Variants in TARBP1 observed in about 807,000 individuals in gnomAD.
The protein encoded by TARBP1 is tRNA (guanosine(18)-2'-O)-methyltransferase TARBP1.
Under a neutral mutation model 178.6 loss-of-function variants are expected in TARBP1, and 144 were observed. The ratio of observed to expected loss-of-function variants is 0.81; its 90% CI spans 0.70 to 0.93. The LOEUF is 0.93. TARBP1 is among the 40% of genes least tolerant of loss of function. The pLI is 0.00. For synonymous variants in TARBP1, 787 were observed against 781.0 expected (o/e 1.01, Z -0.13); for missense variants, 2,067 against 2,011.7 (o/e 1.03, Z -0.53).
intron 29 of TARBP1, among the ~76,000 whole-genome samples, chr1:234,392,070 A>T (rs904737655): frequency 5.9e-5 from 9 of 152,250 alleles, no homozygotes; most frequent in Non-Finnish European, 2.9e-5. Context: ...TGTAAAACAG[A>T]AAAGTAACAT....
chr1:234,438,078 G>A (rs1174885482), intron 12 of TARBP1, among the ~76,000 whole-genome samples: 1 of 152,168 alleles, frequency 6.6e-6, no homozygotes. Flanking sequence ...AGGAGGTGAA[G>A]ACAAAACTGA....
At position 234,474,019 on chromosome 1, in the gene TARBP1, T is replaced by C. The variant is rs566131129; in HGVS notation, c.932-1208A>G. On this transcript the variant is annotated intron_variant, in intron 1 of 29. Transcript: ENST00000040877. Reference sequence around the variant, plus strand: ...ACTTTGGGAGGCTGAGGCAGGAGGATTGCTTGAGGCCAGGAGCTTGAGACC... The same window carrying C: ...ACTTTGGGAGGCTGAGGCAGGAGGACTGCTTGAGGCCAGGAGCTTGAGACC... Among the ~76,000 whole-genome samples, 12 of 152,094 alleles carry C rather than the reference T, an allele frequency of 7.9e-5. No individual in the cohort carries two copies. In the South Asian group the frequency reaches 8.3e-4, roughly 11 times the overall value.
chr1:234,425,606 A>G (rs1020352027), intron 20 of TARBP1, 67 bp downstream of exon 20: 2 of 1,472,750 alleles, frequency 1.4e-6, no homozygotes, highest in Non-Finnish European at 1.9e-6. Context: ...TATTCTAGCA[A>G]CATAAAGAGC....
At chr1:234,464,297 T>C (rs1668207765) in intron 5 of TARBP1, among the ~76,000 whole-genome samples, 1 of 152,214 alleles carries the variant, frequency 6.6e-6, no homozygotes, top group South Asian at 2.1e-4. Context: ...CCAATGACTT[T>C]AAATTTTTAG....
chr1:234,421,233 C>T (rs998788446), intron 20 of TARBP1, among the ~76,000 whole-genome samples: 1 of 152,034 alleles, frequency 6.6e-6, no homozygotes, highest in Non-Finnish European at 1.5e-5. Context: ...GGACTACAGG[C>T]GCCCGCCACC....
In TARBP1 at chr1:234,478,931, G is replaced by T. The variant is rs1194067065; in HGVS notation, c.173C>A (p.Pro58Gln). The change falls in exon 1 of 30, where the codon CCG (proline) becomes CAG (glutamine). Residue 58 changes from proline (P) to glutamine (Q), a missense_variant. Coordinates refer to ENST00000040877, the MANE Select transcript of TARBP1 (RefSeq NM_005646.4). ...ARGSGGAGAL[P>Q]EAAREVAAGY... ...TGCAGCCACCTCGCGCGCCGCCTCCGGGAGCGCGCCTGCGCCCCCGCTGCC... is the reference window on the plus strand; with the variant it reads ...TGCAGCCACCTCGCGCGCCGCCTCCTGGAGCGCGCCTGCGCCCCCGCTGCC... 7.0e-7 allele frequency: 1 copy of T among 1,437,274 alleles called. No individual in the cohort carries two copies. Among genetic ancestry groups the T allele is most frequent in the South Asian group, 1.4e-5 (1 of 72,166 alleles). The allele number at this position is 1,437,274 out of a possible 1,614,324, so 89.0% of individuals were successfully genotyped here.
intron 24 of TARBP1, 54 bp from the exon 25 acceptor site, chr1:234,401,316 G>C: frequency 7.3e-7 from 1 of 1,366,526 alleles, no homozygotes; most frequent in Non-Finnish European, 1.0e-6. Flanking sequence ...ACTCTGGTGA[G>C]GGGAGAATCA....
intron 9 of TARBP1, among the ~76,000 whole-genome samples, chr1:234,454,245 G>A (rs554169638): frequency 6.6e-6 from 1 of 152,300 alleles, no homozygotes; most frequent in African/African-American, 2.4e-5. Context: ...CCTACTAGCT[G>A]CAGTGAATAG....
chr1:234,398,510 T>C lies in TARBP1; in HGVS notation c.4115A>G (p.Asp1372Gly), dbSNP rs1315870160. 6.8e-6 allele frequency: 11 copies of C among 1,609,574 alleles called. No homozygotes were observed. Among genetic ancestry groups the C allele is most frequent in the African/African-American group, 1.3e-5 (1 of 75,008 alleles). The stretch of plus-strand genomic sequence containing the variant: ...AAATTTATCAATGGTGATCCATTCA[T>C]CTTCAATAAGGCCTGAAAGGCGTGG... ...ILPRLSGLIE[D>G]EWITIDKFTR... Residue 1372 changes from aspartate (D) to glycine (G), a missense_variant, in exon 26 of 30, where the codon GAT (aspartate) becomes GGT (glycine). By Grantham distance (94) the Asp-to-Gly change is moderately conservative. Transcript: ENST00000040877.
At chr1:234,422,805 T>C (rs1206050350) in intron 20 of TARBP1, among the ~76,000 whole-genome samples, 1 of 152,224 alleles carries the variant, frequency 6.6e-6, no homozygotes, top group African/African-American at 2.4e-5. Context: ...CCTGATGTAA[T>C]TATTACACAT....
At chr1:234,453,077 C>T (rs1022568256) in intron 9 of TARBP1, among the ~76,000 whole-genome samples, 15 of 152,086 alleles carry the variant, frequency 9.9e-5, no homozygotes, top group African/African-American at 3.6e-4. Context: ...ACAGGCAGAG[C>T]ACAGAGAATT....
chr1:234,460,691 A>C (rs1354592039), intron 6 of TARBP1, among the ~76,000 whole-genome samples: 2 of 152,232 alleles, frequency 1.3e-5, no homozygotes, highest in Admixed American at 1.3e-4. Context: ...TTCTACTTCC[A>C]GGTATATATC....
intron 1 of TARBP1, among the ~76,000 whole-genome samples, chr1:234,475,141 G>A (rs901948783): frequency 1.3e-5 from 2 of 152,192 alleles, no homozygotes; most frequent in Non-Finnish European, 2.9e-5. Flanking sequence ...GCTCTCGAGA[G>A]AGACTGTGGC....
chr1:234,469,069 TTTTTTTTTAAAAA>T (rs914742609), intron 3 of TARBP1, among the ~76,000 whole-genome samples: 9 of 18,000 alleles, frequency 5.0e-4, no homozygotes, highest in Admixed American at 2.8e-3. Flanking sequence ...CCTTTTTTTT[TTTTTTTTTAAAAA>T]AAAAAAAAAG....
intron 24 of TARBP1, chr1:234,405,386 C>T (rs1661117249): frequency 6.6e-6 from 1 of 152,364 alleles, no homozygotes; most frequent in Non-Finnish European, 1.5e-5. Flanking sequence ...GACATGGGAA[C>T]CACCGTGGGG....
At chr1:234,424,453 C>A (rs1663476775) in intron 20 of TARBP1, among the ~76,000 whole-genome samples, 2 of 152,190 alleles carry the variant, frequency 1.3e-5, no homozygotes, top group South Asian at 4.1e-4. Context: ...CAGTCTTAGA[C>A]AAACATCACA....
intron 20 of TARBP1, among the ~76,000 whole-genome samples, chr1:234,422,684 A>G (rs750814): frequency 0.24 from 36,716 of 152,096 alleles, 4,696 homozygotes; most frequent in East Asian, 0.44. Context: ...TAGTATAACA[A>G]GGTGGCTACA....
At chr1:234,433,989 C>T (rs746437436) in intron 13 of TARBP1, among the ~76,000 whole-genome samples, 14 of 152,180 alleles carry the variant, frequency 9.2e-5, no homozygotes, top group Admixed American at 3.3e-4. Flanking sequence ...TTTCATAAGA[C>T]AACTAAGTTT....
intron 24 of TARBP1, among the ~76,000 whole-genome samples, chr1:234,403,385 G>C (rs748225257): frequency 6.6e-6 from 1 of 152,084 alleles, no homozygotes; most frequent in Non-Finnish European, 1.5e-5. Flanking sequence ...ACTTAGAAAG[G>C]CTTTCCCTAA....
Sources: gnomAD v4.1 joint callset for allele counts (sites outside exome capture counted in the v4.1 genomes callset) on GRCh38, gnomAD v4.1.1 for gene constraint, MANE v1.5 for transcripts, NCBI Gene and HGNC (gene_info 2026-07-23, HGNC 2026-07-21) for gene names.